Variants in NOL4 observed in about 807,000 individuals in gnomAD.
NOL4 encodes the protein cancer/testis antigen 125.
NOL4 carries 17 observed loss-of-function variants against 75.9 expected under a neutral mutation model. The ratio of observed to expected loss-of-function variants is 0.22; its 90% CI spans 0.15 to 0.34. The LOEUF is 0.34. Ranked by LOEUF, NOL4 falls within the 10% of genes least tolerant of loss-of-function variation. The pLI is 1.00. For missense variants in NOL4, 614 were observed against 793.5 expected (o/e 0.77, Z 2.72); for synonymous variants, 292 against 289.9 (o/e 1.01, Z -0.07).
At chr18:33,945,810 A>G (rs986992054) in intron 8 of NOL4, among the ~76,000 whole-genome samples, 6 of 151,778 alleles carry the variant, frequency 4.0e-5, no homozygotes, top group African/African-American at 1.4e-4. Flanking sequence ...TTGTAGGATC[A>G]TAAGTTGACA....
chr18:34,125,154 T>C (rs2080327982), intron 2 of NOL4, among the ~76,000 whole-genome samples: 1 of 152,208 alleles, frequency 6.6e-6, no homozygotes, highest in Admixed American at 6.5e-5. Context: ...GGGTCAATGG[T>C]TTAACCCAAA....
intron 5 of NOL4, among the ~76,000 whole-genome samples, chr18:34,082,248 G>T (rs1037254904): frequency 6.6e-6 from 1 of 152,106 alleles, no homozygotes; most frequent in South Asian, 2.1e-4. Context: ...AGAAACTCAT[G>T]CTTAAAGCCA....
At chr18:34,056,231 G>A (rs949599190) in intron 5 of NOL4, among the ~76,000 whole-genome samples, 1 of 152,016 alleles carries the variant, frequency 6.6e-6, no homozygotes, top group Non-Finnish European at 1.5e-5. Context: ...TGAGATTTGG[G>A]CATTTGAGAA....
At chr18:33,972,028 G>A (rs1006669460) in intron 6 of NOL4, among the ~76,000 whole-genome samples, 5 of 151,996 alleles carry the variant, frequency 3.3e-5, no homozygotes, top group South Asian at 4.2e-4. Flanking sequence ...TTAGCTGGGC[G>A]TGGTGGGCAT....
intron 2 of NOL4, among the ~76,000 whole-genome samples, chr18:34,115,104 A>T (rs2079787696): frequency 6.6e-6 from 1 of 152,142 alleles, no homozygotes; most frequent in South Asian, 2.1e-4. Context: ...GGCTGCAGAC[A>T]TAGATAAGGA....
Position 33,928,271 on chromosome 18 carries a change from G to A in NOL4, c.1542+14794C>T, listed in dbSNP as rs544456221. Among the ~76,000 whole-genome samples, 13 of 152,152 alleles carry A rather than the reference G, an allele frequency of 8.5e-5. No homozygotes were observed. In the South Asian group the frequency reaches 1.9e-3, roughly 22 times the overall value. ...ACATCGTAGGTTAAATATTTCTGTCGTAATTTAAACCACCTACTTGTATCC... is the reference window on the plus strand; with the variant it reads ...ACATCGTAGGTTAAATATTTCTGTCATAATTTAAACCACCTACTTGTATCC... On this transcript the variant is annotated intron_variant, in intron 9 of 10. Coordinates refer to ENST00000261592, the MANE Select transcript of NOL4 (RefSeq NM_003787.5).
chr18:33,878,002 T>A (rs2064033238), intron 10 of NOL4, among the ~76,000 whole-genome samples: 1 of 151,932 alleles, frequency 6.6e-6, no homozygotes, highest in Non-Finnish European at 1.5e-5. Context: ...AAACTTCAGG[T>A]GAGTAGACCT....
At chr18:33,996,037 G>A (rs139684527) in intron 6 of NOL4, among the ~76,000 whole-genome samples, 2 of 151,404 alleles carry the variant, frequency 1.3e-5, no homozygotes, top group South Asian at 2.1e-4. Context: ...TCTTGAAATA[G>A]TATCTACTTC....
chr18:34,086,256 A>G (rs1308904374), intron 5 of NOL4, among the ~76,000 whole-genome samples: 1 of 152,184 alleles, frequency 6.6e-6, no homozygotes, highest in Non-Finnish European at 1.5e-5. Context: ...AACGAATTCA[A>G]TTTTGAAGTC....
At chr18:34,180,281 T>C (rs1282111956) in intron 1 of NOL4, among the ~76,000 whole-genome samples, 1 of 151,550 alleles carries the variant, frequency 6.6e-6, no homozygotes, top group African/African-American at 2.4e-5. Context: ...TACAAAAGCA[T>C]ATGCTATCAC....
intron 5 of NOL4, among the ~76,000 whole-genome samples, chr18:34,061,784 C>G (rs1452545342): frequency 6.6e-6 from 1 of 151,942 alleles, no homozygotes; most frequent in African/African-American, 2.4e-5. Flanking sequence ...TATTTTTATT[C>G]ATAATATTAT....
chr18:33,942,955 T>A, intron 9 of NOL4, 110 bp downstream of exon 9: 1 of 712,880 alleles, frequency 1.4e-6, no homozygotes, highest in East Asian at 2.6e-5. Context: ...AAACTATATC[T>A]CTGTGTACTT....
intron 9 of NOL4, among the ~76,000 whole-genome samples, chr18:33,930,275 C>T (rs927445255): frequency 6.6e-6 from 1 of 152,040 alleles, no homozygotes; most frequent in African/African-American, 2.4e-5. Flanking sequence ...AATGGAACAT[C>T]TATTATTTCA....
intron 6 of NOL4, among the ~76,000 whole-genome samples, chr18:34,017,925 C>T (rs2074798680): frequency 6.6e-6 from 1 of 152,124 alleles, no homozygotes; most frequent in Non-Finnish European, 1.5e-5. Context: ...CAGCCCAAAC[C>T]ATCTGTGCTT....
At chr18:33,886,194 A>G (rs1599743983) in intron 9 of NOL4, among the ~76,000 whole-genome samples, 1 of 151,934 alleles carries the variant, frequency 6.6e-6, no homozygotes, top group Non-Finnish European at 1.5e-5. Flanking sequence ...GGGATGGTGA[A>G]GTGGGAGGTG....
At chr18:34,149,641 A>G (rs1399620559) in intron 1 of NOL4, among the ~76,000 whole-genome samples, 1 of 151,674 alleles carries the variant, frequency 6.6e-6, no homozygotes, top group Non-Finnish European at 1.5e-5. Context: ...GATGAATAAT[A>G]TCCCATTGCA....
intron 6 of NOL4, among the ~76,000 whole-genome samples, chr18:34,008,283 C>G (rs947644427): frequency 2.6e-5 from 4 of 151,936 alleles, no homozygotes; most frequent in Admixed American, 2.6e-4. Flanking sequence ...TCCTGAGCCT[C>G]CAGCTGGCTG....
intron 1 of NOL4, among the ~76,000 whole-genome samples, chr18:34,166,715 A>G (rs1420306639): frequency 6.6e-6 from 1 of 152,118 alleles, no homozygotes; most frequent in Non-Finnish European, 1.5e-5. Context: ...CCATGGATGA[A>G]TAATATTTGG....
At chr18:33,882,997 AT>A (rs1237826661) in intron 10 of NOL4, among the ~76,000 whole-genome samples, 2 of 152,046 alleles carry the variant, frequency 1.3e-5, no homozygotes, top group Non-Finnish European at 2.9e-5. Context: ...ATAGGTGGGA[AT>A]TGAACAATGA....
Sources: allele counts gnomAD v4.1 joint callset (sites outside exome capture counted in the v4.1 genomes callset), GRCh38; gene constraint gnomAD v4.1.1; transcripts MANE v1.5; gene names NCBI Gene and HGNC (gene_info 2026-07-23, HGNC 2026-07-21).